MAP3K7: variants seen among roughly 807,000 people sequenced by gnomAD.
MAP3K7 encodes the protein TGF-beta activated kinase 1.
Under a neutral mutation model 84.8 loss-of-function variants are expected in MAP3K7, and 21 were observed. The ratio of observed to expected loss-of-function variants is 0.25; its 90% CI spans 0.18 to 0.36. MAP3K7 has a LOEUF of 0.36. Ranked by LOEUF, MAP3K7 falls within the 10% of genes least tolerant of loss-of-function variation. MAP3K7 has a pLI of 1.00. For synonymous variants in MAP3K7, 241 were observed against 247.7 expected (o/e 0.97, Z 0.25); for missense variants, 503 against 747.7 (o/e 0.67, Z 3.82).
At chr6:90,518,592 A>G (rs565729774) in intron 15 of MAP3K7, 30 bp from the exon 16 acceptor site, 1 of 1,132,968 alleles carries the variant, frequency 8.8e-7, no homozygotes, top group South Asian at 1.3e-5. Context: ...TTAAAACATA[A>G]TTAAATCAAA....
intron 3 of MAP3K7, among the ~76,000 whole-genome samples, chr6:90,563,743 A>C (rs1776602517): frequency 6.6e-6 from 1 of 152,334 alleles, no homozygotes; most frequent in African/African-American, 2.4e-5. Flanking sequence ...CCTCGAGAAG[A>C]GCAACTCCAA....
rs375134124 is a variant in MAP3K7 at position 90,560,105 on chromosome 6, C to T, written c.453G>A (p.Ala151=). ...GTGGTTTCAGGTCCCTGTGAATTAG[C>T]GCTTTGGGTTGCATGCTGTGAAGAT... The part of the protein sequence containing the change: ...VAYLHSMQPK[A]LIHRDLKPPN... Residue 151 remains alanine, a synonymous_variant, in exon 5 of 17, where the codon GCG becomes GCA. Transcript: ENST00000369329. The T allele has an allele frequency of 2.8e-5, 45 of 1,614,004 alleles. No individual in the cohort carries two copies. In the Middle Eastern group the frequency reaches 4.9e-4, roughly 18 times the overall value.
intron 15 of MAP3K7, 118 bp from the exon 16 acceptor site, chr6:90,518,680 A>C: frequency 4.6e-6 from 3 of 648,142 alleles, no homozygotes; most frequent in Non-Finnish European, 8.2e-6. Flanking sequence ...TGATCTTTTA[A>C]AAATAAGTGT....
At chr6:90,539,069 T>C (rs550223342) in intron 12 of MAP3K7, among the ~76,000 whole-genome samples, 2 of 152,052 alleles carry the variant, frequency 1.3e-5, no homozygotes, top group East Asian at 3.9e-4. Context: ...ATGCATAGCA[T>C]GATACACTAG....
chr6:90,536,574 TAAAG>T (rs1478949047), intron 12 of MAP3K7, 173 bp from the exon 13 acceptor site: 5 of 579,754 alleles, frequency 8.6e-6, no homozygotes, highest in Middle Eastern at 4.7e-4. Context: ...GAGAAAGATG[TAAAG>T]AAAGGAAGAG....
intron 13 of MAP3K7, among the ~76,000 whole-genome samples, chr6:90,528,749 T>C (rs1775402014): frequency 6.6e-6 from 1 of 152,324 alleles, no homozygotes; most frequent in South Asian, 2.1e-4. Context: ...ATCCTTTGTG[T>C]TACAAACAAT....
chr6:90,530,461 C>A (rs955148335), intron 13 of MAP3K7, among the ~76,000 whole-genome samples: 1 of 152,124 alleles, frequency 6.6e-6, no homozygotes, highest in African/African-American at 2.4e-5. Context: ...TTTCTTTTCA[C>A]CTTCTACTTT....
intron 14 of MAP3K7, 79 bp from the exon 15 acceptor site, chr6:90,519,398 GCTTT>G: frequency 1.1e-6 from 1 of 907,992 alleles, no homozygotes; most frequent in Admixed American, 2.6e-5. Context: ...TGAATGAAAT[GCTTT>G]TTTTCCCTAA....
At chr6:90,518,870 T>A (rs971266320) in intron 15 of MAP3K7, among the ~76,000 whole-genome samples, 2 of 151,774 alleles carry the variant, frequency 1.3e-5, no homozygotes, top group African/African-American at 4.8e-5. Flanking sequence ...GCCCTCATAC[T>A]CATGAGGGGG....
intron 13 of MAP3K7, among the ~76,000 whole-genome samples, chr6:90,524,489 G>A (rs533362919): frequency 4.6e-5 from 7 of 152,152 alleles, no homozygotes; most frequent in Non-Finnish European, 8.8e-5. Context: ...GACAGAAAAA[G>A]CAGCCAGAAG....
intron 13 of MAP3K7, among the ~76,000 whole-genome samples, chr6:90,527,560 C>A (rs1348184806): frequency 6.6e-6 from 1 of 152,078 alleles, no homozygotes; most frequent in African/African-American, 2.4e-5. Flanking sequence ...AGCCCCTGTG[C>A]CCAGTGGGAA....
rs1163668431 is a variant in MAP3K7, at chr6:90,576,421, A to ACT, written c.121-4615_121-4614insAG. ...CTGGGCAACAGAGCTAGACTCTGTC[A>ACT]CACACACACACACACACACACACAC... On this transcript the variant is annotated intron_variant, in intron 1 of 16. Transcript: ENST00000369329. 7.6e-4 allele frequency among the ~76,000 whole-genome samples: 11 copies of ACT among 14,446 alleles called. No individual in the cohort carries two copies. The East Asian group carries it at 0.013, about 17-fold the overall frequency. The allele number at this position is 14,446 out of a possible 152,430, so 9.5% of individuals were successfully genotyped here. A position where few individuals can be genotyped will look rare whatever the true frequency, so the allele number is the denominator to read the frequency against.
chr6:90,585,991 T>TA (rs1777434848), intron 1 of MAP3K7, among the ~76,000 whole-genome samples: 1 of 152,222 alleles, frequency 6.6e-6, no homozygotes, highest in South Asian at 2.1e-4. Context: ...CTTGATGATC[T>TA]ACTAATTTAA....
At chr6:90,563,485 T>C (rs967812211) in intron 3 of MAP3K7, among the ~76,000 whole-genome samples, 1 of 151,932 alleles carries the variant, frequency 6.6e-6, no homozygotes, top group Admixed American at 6.6e-5. Context: ...TGATTGAAGA[T>C]CAAATGAATG....
At chr6:90,549,039 T>C (rs1262133977) in intron 9 of MAP3K7, among the ~76,000 whole-genome samples, 3 of 152,116 alleles carry the variant, frequency 2.0e-5, no homozygotes, top group African/African-American at 7.2e-5. Flanking sequence ...AGACTACGTA[T>C]GTTTTAGGAA....
chr6:90,520,921 A>G (rs564722518), intron 14 of MAP3K7, among the ~76,000 whole-genome samples: 77 of 152,146 alleles, frequency 5.1e-4, no homozygotes, highest in Non-Finnish European at 9.4e-4. Context: ...TCAATTTAAG[A>G]TTTCCATTCC....
At position 90,556,630 on chromosome 6, in the gene MAP3K7, T is replaced by TAA. The variant is rs3215663; in HGVS notation, c.483-8_483-7dup. On this transcript the variant is annotated splice_region_variant and splice_polypyrimidine_tract_variant and intron_variant, in intron 5 of 16. Transcript: ENST00000369329. ...CCCCTGCAACCAGCAGTAAGCTGTT[T>TAA]AAAAAAAAACAAAAAACATCAAAAG... 1,769 of 1,521,088 alleles carry TAA rather than the reference T, an allele frequency of 1.2e-3. No individual in the cohort carries two copies. Among genetic ancestry groups the TAA allele is most frequent in the South Asian group, 3.7e-3 (293 of 78,200 alleles). 94.2% of individuals were successfully genotyped at this position (1,521,088 alleles called of 1,614,324 possible).
At chr6:90,572,634 C>A (rs1409161839) in intron 1 of MAP3K7, among the ~76,000 whole-genome samples, 8 of 150,478 alleles carry the variant, frequency 5.3e-5, no homozygotes, top group African/African-American at 2.0e-4. Context: ...TTGCAAAACC[C>A]ACCAAATTGT....
rs202035151 is a variant in MAP3K7, at chr6:90,586,908, C to A, written c.-25G>T. The A allele has an allele frequency of 3.3e-4, 531 of 1,596,378 alleles. 3 individuals are homozygous for A. In the South Asian group the frequency reaches 4.8e-3, roughly 14 times the overall value. On this transcript the variant is annotated 5_prime_UTR_variant, in exon 1 of 17. Coordinates refer to ENST00000369329, the MANE Select transcript of MAP3K7 (RefSeq NM_145331.3). ...TGATCCCTCGCGGCGCCCGGTGGGG[C>A]CGGGAACGGTGCCACCCGGACAATC...
Sources: allele counts gnomAD v4.1 joint callset (sites outside exome capture counted in the v4.1 genomes callset), GRCh38; gene constraint gnomAD v4.1.1; transcripts MANE v1.5; gene names NCBI Gene and HGNC (gene_info 2026-07-23, HGNC 2026-07-21).